The following GSG1L variants were observed in gnomAD, a reference collection of about 807,000 sequenced individuals.
GSG1L encodes GSG1 like.
GSG1L carries 24 observed loss-of-function variants against 42.1 expected under a neutral mutation model. The ratio of observed to expected loss-of-function variants is 0.57; its 90% CI spans 0.41 to 0.80. The LOEUF (loss-of-function observed/expected upper bound fraction) is 0.80. GSG1L is among the 30% of genes least tolerant of loss of function. The probability of loss-of-function intolerance (pLI) is 0.00; values close to 1 mark genes in which losing one functional copy is unlikely to be tolerated. For missense variants in GSG1L, 445 were observed against 472.2 expected (o/e 0.94, Z 0.53); for synonymous variants, 215 against 203.5 (o/e 1.06, Z -0.48).
At chr16:27,795,785 A>G (rs1177244436) in intron 6 of GSG1L, among the ~76,000 whole-genome samples, 1 of 152,176 alleles carries the variant, frequency 6.6e-6, no homozygotes, top group Non-Finnish European at 1.5e-5. Flanking sequence ...TCCCTTTTAA[A>G]TCCAGATATC....
chr16:27,878,532 T>A (rs979765002), intron 3 of GSG1L, among the ~76,000 whole-genome samples: 14 of 152,156 alleles, frequency 9.2e-5, no homozygotes, highest in African/African-American at 2.9e-4. Flanking sequence ...AAGGTGAGAT[T>A]TGGGTGGAGA....
At position 27,877,107 on chromosome 16, in the gene GSG1L, C is replaced by T. The variant is rs1363873186; in HGVS notation, c.550+7379G>A. ...TTGCCCAGCCCGCTCACAACCCTTT[C>T]TGGATCTAAGCCCCTGACCACTGGG... On this transcript the variant is annotated intron_variant, in intron 3 of 6. Transcript: ENST00000447459. Among the ~76,000 whole-genome samples, 4 of 152,312 alleles carry T rather than the reference C, an allele frequency of 2.6e-5. No individual in the cohort carries two copies. In the East Asian group the frequency reaches 7.7e-4, roughly 29 times the overall value.
intron 4 of GSG1L, among the ~76,000 whole-genome samples, chr16:27,838,073 C>T (rs2083339047): frequency 6.6e-6 from 1 of 152,102 alleles, no homozygotes; most frequent in Admixed American, 6.5e-5. Context: ...TCTGTCTTCT[C>T]AGAATTGGAA....
chr16:27,946,569 GAAAGAAAGAA>G (rs1596635895), intron 2 of GSG1L, among the ~76,000 whole-genome samples: 1 of 8,622 alleles, frequency 1.2e-4, no homozygotes, highest in African/African-American at 2.7e-4. Flanking sequence ...AAGAAAGAAA[GAAAGAAAGAA>G]AGAGAGAGAG....
chr16:27,887,446 G>A (rs746566914), intron 2 of GSG1L, among the ~76,000 whole-genome samples: 25 of 152,286 alleles, frequency 1.6e-4, no homozygotes, highest in Non-Finnish European at 2.8e-4. Context: ...TGAGGCTGCC[G>A]GTCCTTTGTT....
At chr16:28,035,660 A>G (rs2086026503) in intron 1 of GSG1L, among the ~76,000 whole-genome samples, 2 of 152,250 alleles carry the variant, frequency 1.3e-5, no homozygotes, top group Non-Finnish European at 2.9e-5. Context: ...AGCTCAAGTC[A>G]TAAATTGCTT....
At chr16:27,951,706 T>C (rs1271287692) in intron 2 of GSG1L, among the ~76,000 whole-genome samples, 4 of 152,180 alleles carry the variant, frequency 2.6e-5, no homozygotes, top group Non-Finnish European at 1.5e-5. Context: ...GAAGCAGCTG[T>C]GGAGAGGGGC....
intron 2 of GSG1L, among the ~76,000 whole-genome samples, chr16:27,918,532 G>A (rs35629607): frequency 0.26 from 38,886 of 151,728 alleles, 5,356 homozygotes; most frequent in Non-Finnish European, 0.3. Context: ...GGTGGCGGGC[G>A]CCTGTGGTCC....
chr16:27,854,451 C>T lies in GSG1L; in HGVS notation c.551-9390G>A, dbSNP rs184354275. ...GAGCAGGGCTTCCCTAAAAGGCCGCCGGCCTCCACTTCAAGCCCTTTCCAT... is the reference window on the plus strand; with the variant it reads ...GAGCAGGGCTTCCCTAAAAGGCCGCTGGCCTCCACTTCAAGCCCTTTCCAT... On this transcript the variant is annotated intron_variant, in intron 3 of 6. Coordinates refer to ENST00000447459, the MANE Select transcript of GSG1L (RefSeq NM_001109763.2). Among the ~76,000 whole-genome samples, 323 of 152,270 alleles carry T rather than the reference C, an allele frequency of 2.1e-3. 2 individuals are homozygous for T. The highest frequency in any genetic ancestry group is 7.4e-3 in the African/African-American group (307 of 41,542).
intron 2 of GSG1L, among the ~76,000 whole-genome samples, chr16:27,903,658 G>A (rs2077322761): frequency 6.6e-6 from 1 of 152,190 alleles, no homozygotes; most frequent in African/African-American, 2.4e-5. Flanking sequence ...GGCCCTGGAG[G>A]GAGAGTGGCC....
At chr16:27,850,864 C>T (rs1240427038) in intron 3 of GSG1L, among the ~76,000 whole-genome samples, 2 of 150,382 alleles carry the variant, frequency 1.3e-5, no homozygotes, top group Non-Finnish European at 2.9e-5. Context: ...TGGTCTCAAA[C>T]TCCTGTCCTC....
chr16:27,791,501 C>A (rs748741018), intron 6 of GSG1L, 34 bp from the exon 7 acceptor site: 1 of 1,380,440 alleles, frequency 7.2e-7, no homozygotes, highest in Non-Finnish European at 9.6e-7. Context: ...TGCTGAAAGC[C>A]ACCTTCCTCC....
intron 1 of GSG1L, among the ~76,000 whole-genome samples, chr16:27,978,197 AC>A (rs2085272591): frequency 6.6e-6 from 1 of 151,854 alleles, no homozygotes; most frequent in Non-Finnish European, 1.5e-5. Context: ...CAGCTGCCTC[AC>A]TCTGGCTCAC....
rs539693161 is a variant in GSG1L, at chr16:27,995,026, T to C, written c.350-31823A>G. Reference sequence around the variant, plus strand: ...GAAATTGGCAGCCAAAGTTTCCCCCTCCAAATTGTGTTATTTTCTGTTCAT... The same window carrying C: ...GAAATTGGCAGCCAAAGTTTCCCCCCCCAAATTGTGTTATTTTCTGTTCAT... On this transcript the variant is annotated intron_variant, in intron 1 of 6. Transcript: ENST00000447459. Among the ~76,000 whole-genome samples the C allele has an allele frequency of 3.1e-3, 470 of 152,254 alleles. 3 individuals carry two copies. Among genetic ancestry groups the C allele is most frequent in the African/African-American group, 0.011 (460 of 41,536 alleles).
At chr16:27,904,102 T>C (rs2084292708) in intron 2 of GSG1L, among the ~76,000 whole-genome samples, 1 of 152,110 alleles carries the variant, frequency 6.6e-6, no homozygotes, top group Admixed American at 6.5e-5. Flanking sequence ...TGGAGGTTTT[T>C]TTTATCACCC....
At chr16:27,952,774 T>C (rs1296190941) in intron 2 of GSG1L, among the ~76,000 whole-genome samples, 7 of 152,276 alleles carry the variant, frequency 4.6e-5, no homozygotes, top group African/African-American at 9.6e-5. Context: ...CTTTCCTTTT[T>C]AGCAAAGTAT....
Position 27,807,510 on chromosome 16 carries a change from C to T in GSG1L, c.875G>A (p.Cys292Tyr). Residue 292 changes from cysteine to tyrosine, a missense_variant, in exon 6 of 7, where the codon TGC (cysteine) becomes TAC (tyrosine). By Grantham distance (194) the Cys-to-Tyr change is radical. Coordinates refer to ENST00000447459, the MANE Select transcript of GSG1L (RefSeq NM_001109763.2). The stretch of plus-strand genomic sequence containing the variant: ...ACGGGCAGGGTATCTCTCGTGGCGG[C>T]AGTCTAAGTGAAAGTCCTCCTCGCT... Reference protein sequence around the residue: ...DGSEEDFHLDCRHERYPARHQ... With the variant: ...DGSEEDFHLDYRHERYPARHQ... 1 of 1,612,990 alleles carries T rather than the reference C, an allele frequency of 6.2e-7. No individual in the cohort carries two copies. The highest frequency in any genetic ancestry group is 8.5e-7 in the Non-Finnish European group (1 of 1,179,872).
Position 28,026,578 on chromosome 16 carries a change from C to T in GSG1L, c.349+36498G>A, listed in dbSNP as rs924160261. Reference sequence around the variant, plus strand: ...TGTCGCATGAGGGAAGCAGGCTGGACGCAGCTCAGCTGGGCTCTGCTGGGC... The same window carrying T: ...TGTCGCATGAGGGAAGCAGGCTGGATGCAGCTCAGCTGGGCTCTGCTGGGC... On this transcript the variant is annotated intron_variant, in intron 1 of 6. Coordinates refer to ENST00000447459, the MANE Select transcript of GSG1L (RefSeq NM_001109763.2). Among the ~76,000 whole-genome samples, 25 of 152,274 alleles carry T rather than the reference C, an allele frequency of 1.6e-4. No homozygotes were observed. The East Asian group carries it at 3.9e-3, about 23-fold the overall frequency.
At chr16:27,859,584 C>T (rs1215782844) in intron 3 of GSG1L, among the ~76,000 whole-genome samples, 2 of 152,268 alleles carry the variant, frequency 1.3e-5, no homozygotes, top group African/African-American at 4.8e-5. Flanking sequence ...CTCCCATTGG[C>T]CCTAGAGTCC....
Sources: allele counts gnomAD v4.1 joint callset (sites outside exome capture counted in the v4.1 genomes callset), GRCh38; gene constraint gnomAD v4.1.1; transcripts MANE v1.5; gene names NCBI Gene and HGNC (gene_info 2026-07-23, HGNC 2026-07-21).